Variants in CSMD3 observed in about 807,000 individuals in gnomAD.
The protein encoded by CSMD3 is CUB and Sushi multiple domains 3, also known as CUB and sushi domain-containing protein 3.
CSMD3 carries 177 observed loss-of-function variants against 435.2 expected under a neutral mutation model. The observed-to-expected ratio is 0.41, with a 90% confidence interval of 0.36 to 0.46. CSMD3 has a LOEUF of 0.46. CSMD3 is among the 20% of genes least tolerant of loss of function. The pLI, the probability that CSMD3 is intolerant of heterozygous loss-of-function variation, is 0.34. For synonymous variants in CSMD3, 1,656 were observed against 1,520.5 expected (o/e 1.09, Z -2.07); for missense variants, 4,265 against 4,504.6 (o/e 0.95, Z 1.52).
At chr8:112,252,420 G>C (rs1815349448) in intron 63 of CSMD3, among the ~76,000 whole-genome samples, 2 of 151,864 alleles carry the variant, frequency 1.3e-5, no homozygotes, top group Admixed American at 1.3e-4. Context: ...TACACTCTGG[G>C]TTTGATGAGT....
At chr8:112,545,081 CT>C (rs1339923754) in intron 27 of CSMD3, among the ~76,000 whole-genome samples, 2 of 152,164 alleles carry the variant, frequency 1.3e-5, no homozygotes, top group African/African-American at 2.4e-5. Flanking sequence ...ATATTTCCCC[CT>C]AATCCTGCCA....
At chr8:112,527,508 T>C (rs1026428837) in intron 27 of CSMD3, among the ~76,000 whole-genome samples, 3 of 152,026 alleles carry the variant, frequency 2.0e-5, no homozygotes, top group Non-Finnish European at 4.4e-5. Flanking sequence ...AACACTTTTC[T>C]TGAGTAGTTG....
At chr8:112,611,823 T>C (rs1833282576) in intron 22 of CSMD3, among the ~76,000 whole-genome samples, 1 of 152,180 alleles carries the variant, frequency 6.6e-6, no homozygotes, top group Non-Finnish European at 1.5e-5. Context: ...AAACAAAATA[T>C]ATTCAAATTT....
intron 4 of CSMD3, among the ~76,000 whole-genome samples, chr8:113,171,845 T>C (rs1019465653): frequency 3.9e-5 from 6 of 152,132 alleles, no homozygotes; most frequent in Non-Finnish European, 7.4e-5. Context: ...GTACAGAAAA[T>C]AGCCAAGGAG....
intron 3 of CSMD3, among the ~76,000 whole-genome samples, chr8:113,207,093 C>T (rs1003520125): frequency 2.8e-4 from 42 of 152,100 alleles, no homozygotes; most frequent in African/African-American, 9.9e-4. Context: ...TGGTAAGTTC[C>T]CTATGTGATG....
intron 27 of CSMD3, among the ~76,000 whole-genome samples, chr8:112,547,362 G>A (rs747433434): frequency 2.0e-5 from 3 of 151,830 alleles, no homozygotes; most frequent in African/African-American, 4.8e-5. Context: ...CAGCCTGGCC[G>A]ACGTAATGAG....
chr8:113,302,406 GTA>G (rs1317702457), intron 2 of CSMD3, among the ~76,000 whole-genome samples: 1 of 149,002 alleles, frequency 6.7e-6, no homozygotes, highest in Non-Finnish European at 1.5e-5. Flanking sequence ...GACAGAGTAT[GTA>G]TTCAGAGAAT....
chr8:112,318,931 C>T lies in CSMD3; in HGVS notation c.7266G>A (p.Gln2422=), dbSNP rs748328238. The change falls in exon 47 of 71, where the codon CAG becomes CAA. Residue 2422 remains glutamine (Q), a synonymous_variant. Coordinates refer to ENST00000297405, the MANE Select transcript of CSMD3 (RefSeq NM_198123.2). ...EFEIGDIIRY[Q]CLPGFTLVGN... ...CAACTAAAGTAAATCCTGGAAGACACTGATACCTAATAATATCACCTATTA... is the reference window on the plus strand; with the variant it reads ...CAACTAAAGTAAATCCTGGAAGACATTGATACCTAATAATATCACCTATTA... The T allele has an allele frequency of 6.2e-7, 1 of 1,608,794 alleles. No individual in the cohort carries two copies.
intron 5 of CSMD3, among the ~76,000 whole-genome samples, chr8:113,071,944 C>T (rs769338493): frequency 1.3e-5 from 2 of 151,760 alleles, no homozygotes; most frequent in Non-Finnish European, 2.9e-5. Flanking sequence ...AATTCATGAA[C>T]TCAGGAGATC....
intron 12 of CSMD3, among the ~76,000 whole-genome samples, chr8:112,828,019 C>T (rs2079750908): frequency 6.6e-6 from 1 of 152,192 alleles, no homozygotes; most frequent in South Asian, 2.1e-4. Flanking sequence ...ATCATCAGAG[C>T]AGCTCTGTTG....
intron 5 of CSMD3, among the ~76,000 whole-genome samples, chr8:113,087,070 T>C (rs2089812888): frequency 6.6e-6 from 1 of 152,170 alleles, no homozygotes; most frequent in Admixed American, 6.5e-5. Context: ...AGGAGTTTAT[T>C]TTTTTAAGAG....
chr8:113,092,316 T>C (rs1037404626), intron 5 of CSMD3, among the ~76,000 whole-genome samples: 2 of 152,106 alleles, frequency 1.3e-5, no homozygotes, highest in African/African-American at 4.8e-5. Flanking sequence ...AACACACACA[T>C]ATTTCTATAA....
rs550066324 is a variant in CSMD3, at chr8:112,872,423, G to A, written c.1634-13157C>T. Among the ~76,000 whole-genome samples, 13 of 151,982 alleles carry A rather than the reference G, an allele frequency of 8.6e-5. No homozygotes were observed. The South Asian group carries it at 2.3e-3, about 27-fold the overall frequency. On this transcript the variant is annotated intron_variant, in intron 10 of 70. Transcript: ENST00000297405. Reference sequence around the variant, plus strand: ...TCGAAAACAGAAAAAAGATGCTGTCGAAAGGAAAAGAATTAAAATCAGCAA... The same window carrying A: ...TCGAAAACAGAAAAAAGATGCTGTCAAAAGGAAAAGAATTAAAATCAGCAA...
At chr8:112,688,356 A>G (rs1317216176) in intron 14 of CSMD3, among the ~76,000 whole-genome samples, 1 of 152,128 alleles carries the variant, frequency 6.6e-6, no homozygotes, top group East Asian at 1.9e-4. Flanking sequence ...CCACACTCAT[A>G]ACTTAAGATG....
chr8:112,525,826 A>AAAAT (rs1554602584), intron 27 of CSMD3, among the ~76,000 whole-genome samples: 13 of 135,326 alleles, frequency 9.6e-5, no homozygotes, highest in African/African-American at 3.0e-4. Context: ...ACATATAAAA[A>AAAAT]ATATATATAT....
At chr8:113,254,767 A>C (rs186472352) in intron 3 of CSMD3, among the ~76,000 whole-genome samples, 13 of 152,274 alleles carry the variant, frequency 8.5e-5, no homozygotes, top group Admixed American at 6.5e-4. Context: ...AAATTGTTGG[A>C]AATTCTGGAA....
intron 31 of CSMD3, among the ~76,000 whole-genome samples, chr8:112,486,707 T>A (rs1820169547): frequency 6.6e-6 from 1 of 152,168 alleles, no homozygotes; most frequent in Admixed American, 6.5e-5. Context: ...TCTGTTTACA[T>A]ATCACTTTCA....
Position 112,412,743 on chromosome 8 carries a change from T to C in CSMD3, c.5396-3711A>G, listed in dbSNP as rs573122287. Among the ~76,000 whole-genome samples, 12 of 152,302 alleles carry C rather than the reference T, an allele frequency of 7.9e-5. No individual in the cohort carries two copies. In the East Asian group the frequency reaches 1.4e-3, roughly 17 times the overall value. On this transcript the variant is annotated intron_variant, in intron 32 of 70. Coordinates refer to ENST00000297405, the MANE Select transcript of CSMD3 (RefSeq NM_198123.2). ...ACATTGTATTTTAGAATAGAGTTTA[T>C]TAATTCCACCAGCATTAGTTGATTC...
intron 4 of CSMD3, among the ~76,000 whole-genome samples, chr8:113,107,231 T>C (rs62519761): frequency 0.68 from 103,495 of 152,028 alleles, 37,047 homozygotes; most frequent in East Asian, 0.95. Flanking sequence ...GCCTGATCCA[T>C]GGGGTCCAGG....
Sources: gnomAD v4.1 joint callset for allele counts (sites outside exome capture counted in the v4.1 genomes callset) on GRCh38, gnomAD v4.1.1 for gene constraint, MANE v1.5 for transcripts, NCBI Gene and HGNC (gene_info 2026-07-23, HGNC 2026-07-21) for gene names.